GPR158: variants seen among roughly 807,000 people sequenced by gnomAD.
The protein encoded by GPR158 is metabotropic glycine receptor.
In GPR158, 30 loss-of-function variants were observed where a neutral mutation model predicts 78.2. The observed-to-expected ratio is 0.38, with a 90% CI of 0.29 to 0.52. GPR158 has a LOEUF of 0.52. Ranked by LOEUF, GPR158 falls within the 20% of genes least tolerant of loss-of-function variation. The pLI is 0.83. For missense variants in GPR158, 1,463 were observed against 1,523.5 expected (o/e 0.96, Z 0.66); for synonymous variants, 581 against 591.1 (o/e 0.98, Z 0.25).
At chr10:25,286,293 A>G (rs1197218920) in intron 2 of GPR158, among the ~76,000 whole-genome samples, 3 of 151,630 alleles carry the variant, frequency 2.0e-5, no homozygotes, top group Middle Eastern at 3.2e-3. Flanking sequence ...TTTCTCTTGT[A>G]TTAGTTTGGG....
chr10:25,433,531 G>GGGGTGTGTGTGTGT (rs545312367), intron 4 of GPR158, among the ~76,000 whole-genome samples: 3 of 140,290 alleles, frequency 2.1e-5, no homozygotes, highest in Non-Finnish European at 3.1e-5. Flanking sequence ...TTTAGTTAGG[G>GGGGTGTGTGTGTGT]GTGTGTGTGT....
chr10:25,285,198 C>T (rs1854333289), intron 2 of GPR158, among the ~76,000 whole-genome samples: 1 of 151,920 alleles, frequency 6.6e-6, no homozygotes, highest in African/African-American at 2.4e-5. Flanking sequence ...CAGAGTTTTC[C>T]AGACAAATAG....
chr10:25,253,012 CGTGGTGT>C (rs1390529290), intron 2 of GPR158, among the ~76,000 whole-genome samples: 1 of 152,184 alleles, frequency 6.6e-6, no homozygotes, highest in Non-Finnish European at 1.5e-5. Flanking sequence ...GATATAGTCT[CGTGGTGT>C]GCCGTTTCTT....
chr10:25,571,095 C>T (rs1837000302), intron 6 of GPR158, among the ~76,000 whole-genome samples: 1 of 89,862 alleles, frequency 1.1e-5, no homozygotes, highest in Non-Finnish European at 1.8e-5. Context: ...TATTACCTGC[C>T]AGTGTTAGCG....
At position 25,598,591 on chromosome 10, in the gene GPR158, G is replaced by T. The variant is rs1252797201; in HGVS notation, c.2965G>T (p.Asp989Tyr). The T allele has an allele frequency of 6.2e-7, 1 of 1,613,988 alleles. No individual in the cohort carries two copies. The highest frequency in any genetic ancestry group is 1.1e-5 in the South Asian group (1 of 91,050). ...QRVNPTTANS[D>Y]LNPGTTQMKD... ...GGTCAACCCCACCACTGCCAATTCT[G>T]ACCTGAACCCAGGCACCACCCAGAT... The change falls in exon 11 of 11, where the codon GAC becomes TAC. Residue 989 changes from aspartate to tyrosine, a missense_variant. Coordinates refer to ENST00000376351, the MANE Select transcript of GPR158 (RefSeq NM_020752.3).
chr10:25,433,697 T>C (rs1362058029), intron 4 of GPR158, among the ~76,000 whole-genome samples: 2 of 139,632 alleles, frequency 1.4e-5, no homozygotes, highest in African/African-American at 2.7e-5. Flanking sequence ...TTTCTTTCTT[T>C]TTTTTTTTTT....
chr10:25,592,947 G>A (rs561390584), intron 8 of GPR158, among the ~76,000 whole-genome samples: 5 of 146,692 alleles, frequency 3.4e-5, no homozygotes, highest in Non-Finnish European at 6.0e-5. Flanking sequence ...AACAGACTGC[G>A]TCAAAAGTCT....
At chr10:25,580,948 C>A in intron 7 of GPR158, among the ~76,000 whole-genome samples, 1 of 135,560 alleles carries the variant, frequency 7.4e-6, no homozygotes. Flanking sequence ...GACGGAGTCT[C>A]GCTCTGTTGC....
chr10:25,551,661 G>C (rs1220218294), intron 6 of GPR158, among the ~76,000 whole-genome samples: 4 of 152,120 alleles, frequency 2.6e-5, no homozygotes, highest in Admixed American at 1.3e-4. Context: ...TTGGGGTGGG[G>C]CAGGGGAAGC....
At chr10:25,423,062 G>C (rs1402754298) in intron 4 of GPR158, among the ~76,000 whole-genome samples, 1 of 150,088 alleles carries the variant, frequency 6.7e-6, no homozygotes, top group Non-Finnish European at 1.5e-5. Flanking sequence ...AGTATTCCAC[G>C]GTATGTCTGT....
chr10:25,557,412 C>G (rs144195747), intron 6 of GPR158, among the ~76,000 whole-genome samples: 242 of 152,282 alleles, frequency 1.6e-3, no homozygotes, highest in Admixed American at 3.8e-3. Context: ...TTAGGAATGG[C>G]TCCCCCAGAA....
chr10:25,195,313 C>A (rs150514507), intron 1 of GPR158, among the ~76,000 whole-genome samples: 2 of 152,084 alleles, frequency 1.3e-5, no homozygotes, highest in African/African-American at 4.8e-5. Context: ...TCAAGCAAGT[C>A]TCATGCCTCA....
chr10:25,473,005 G>A (rs1432623137), intron 5 of GPR158, among the ~76,000 whole-genome samples: 2 of 152,072 alleles, frequency 1.3e-5, no homozygotes, highest in East Asian at 3.9e-4. Flanking sequence ...AATAGGAGTG[G>A]TGAGAGAGGG....
At chr10:25,296,503 G>T (rs542034985) in intron 2 of GPR158, among the ~76,000 whole-genome samples, 10 of 138,902 alleles carry the variant, frequency 7.2e-5, no homozygotes, top group Admixed American at 2.1e-4. Context: ...TCTATCTATT[G>T]ATTGATTGAT....
chr10:25,398,907 C>T (rs188028307), intron 3 of GPR158, among the ~76,000 whole-genome samples: 2 of 152,286 alleles, frequency 1.3e-5, no homozygotes, highest in Admixed American at 6.5e-5. Flanking sequence ...GGTCCCCAAC[C>T]CTCGAGCTGC....
At chr10:25,484,160 C>T (rs551480109) in intron 5 of GPR158, among the ~76,000 whole-genome samples, 2 of 152,270 alleles carry the variant, frequency 1.3e-5, no homozygotes, top group South Asian at 2.1e-4. Context: ...CCCTCTGCCA[C>T]GGCAATTCTG....
chr10:25,209,317 A>G (rs1219204075), intron 1 of GPR158, among the ~76,000 whole-genome samples: 1 of 152,210 alleles, frequency 6.6e-6, no homozygotes, highest in Non-Finnish European at 1.5e-5. Context: ...GTGTCTGCTT[A>G]CTGGATTGCC....
At chr10:25,399,207 C>G (rs555408345) in intron 3 of GPR158, among the ~76,000 whole-genome samples, 47 of 152,230 alleles carry the variant, frequency 3.1e-4, no homozygotes, top group African/African-American at 1.1e-3. Context: ...AGAACTCACT[C>G]ACTATCATGA....
intron 4 of GPR158, among the ~76,000 whole-genome samples, chr10:25,463,989 C>T (rs138672232): frequency 5.1e-4 from 77 of 152,198 alleles, no homozygotes; most frequent in African/African-American, 1.7e-3. Context: ...TCTGTGAGGC[C>T]ACAAAGGCAG....
Sources: allele counts gnomAD v4.1 joint callset (sites outside exome capture counted in the v4.1 genomes callset), GRCh38; gene constraint gnomAD v4.1.1; transcripts MANE v1.5; gene names NCBI Gene and HGNC (gene_info 2026-07-23, HGNC 2026-07-21).